The following RELN variants were observed in gnomAD, a reference collection of about 807,000 sequenced individuals.
RELN encodes the protein reelin.
A neutral mutation model predicts 427.6 loss-of-function variants in RELN; 108 were observed. The ratio of observed to expected loss-of-function variants is 0.25; its 90% confidence interval spans 0.22 to 0.30. The LOEUF is 0.30. Among genes scored for constraint, RELN ranks in the 10% least tolerant of loss-of-function variants. The pLI is 1.00. For missense variants in RELN, 3,715 were observed against 4,302.8 expected (o/e 0.86, Z 3.82); for synonymous variants, 1,524 against 1,513.4 (o/e 1.01, Z -0.16).
intron 56 of RELN, 95 bp downstream of exon 56, chr7:103,496,431 C>A (rs1329762140): frequency 7.8e-6 from 12 of 1,528,974 alleles, no homozygotes; most frequent in Non-Finnish European, 8.2e-6. Flanking sequence ...GGGCTAGGCA[C>A]TCTTATAAAT....
chr7:103,596,024 A>G (rs1180868282), intron 25 of RELN, among the ~76,000 whole-genome samples: 3 of 152,142 alleles, frequency 2.0e-5, no homozygotes, highest in Admixed American at 6.5e-5. Flanking sequence ...TTACTCATAC[A>G]CTGTTTAGGG....
chr7:103,714,633 G>A (rs1446427360), intron 8 of RELN, among the ~76,000 whole-genome samples: 1 of 152,192 alleles, frequency 6.6e-6, no homozygotes, highest in Admixed American at 6.5e-5. Context: ...TGCACATAGA[G>A]GCAGCTCATG....
Position 103,548,370 on chromosome 7 carries a change from T to C in RELN, c.6302+2697A>G, listed in dbSNP as rs186053505. Among the ~76,000 whole-genome samples the C allele has an allele frequency of 2.0e-5, 3 of 152,374 alleles. No individual in the cohort carries two copies. The East Asian group carries it at 5.8e-4, about 29-fold the overall frequency. On this transcript the variant is annotated intron_variant, in intron 41 of 64. Transcript: ENST00000428762. ...CTTTTAGCATCCAGCACTTGTGCCATTACTATGTACCATGTTGAATACCAA... is the reference window on the plus strand; with the variant it reads ...CTTTTAGCATCCAGCACTTGTGCCACTACTATGTACCATGTTGAATACCAA...
rs1422719733 is a variant in RELN, at chr7:103,944,937, C to T, written c.227-27752G>A. On this transcript the variant is annotated intron_variant, in intron 1 of 64. Transcript: ENST00000428762. ...CAAAGACTTTGAAGGAAGAGTCTGT[C>T]ATGCTTGCTCCCTGAGAAGTAAAAA... Among the ~76,000 whole-genome samples, 4 of 152,060 alleles carry T rather than the reference C, an allele frequency of 2.6e-5. No individual in the cohort carries two copies. The East Asian group carries it at 7.7e-4, about 29-fold the overall frequency.
chr7:103,635,114 C>T (rs1266861179), intron 19 of RELN, among the ~76,000 whole-genome samples: 2 of 152,144 alleles, frequency 1.3e-5, no homozygotes, highest in African/African-American at 4.8e-5. Flanking sequence ...CTGCCTCGGC[C>T]TCCCAAACTG....
chr7:103,676,297 C>T (rs1289943591), intron 11 of RELN, among the ~76,000 whole-genome samples: 52 of 152,252 alleles, frequency 3.4e-4, no homozygotes, highest in African/African-American at 1.2e-3. Context: ...AAATGCTCAT[C>T]ATCACTGGCC....
intron 1 of RELN, among the ~76,000 whole-genome samples, chr7:103,925,128 G>A (rs1795704167): frequency 6.6e-6 from 1 of 151,746 alleles, no homozygotes; most frequent in African/African-American, 2.4e-5. Context: ...TGGAGACATA[G>A]GTCAGAATAA....
intron 10 of RELN, 140 bp from the exon 11 acceptor site, chr7:103,682,401 T>A (rs1210646952): frequency 3.5e-6 from 3 of 862,896 alleles, no homozygotes; most frequent in Admixed American, 4.1e-5. Context: ...AAAGAGCTTG[T>A]TACCTCTTTT....
chr7:103,545,781 G>A (rs1321033058), intron 41 of RELN, among the ~76,000 whole-genome samples: 4 of 151,906 alleles, frequency 2.6e-5, no homozygotes, highest in African/African-American at 9.7e-5. Flanking sequence ...GGCTGGGCGT[G>A]CCCACCACCA....
At chr7:103,707,503 T>C (rs995052330) in intron 8 of RELN, among the ~76,000 whole-genome samples, 1 of 148,218 alleles carries the variant, frequency 6.7e-6, no homozygotes, top group African/African-American at 2.6e-5. Context: ...TTCTTTCTTT[T>C]CTTTTTTTTT....
At chr7:103,787,478 C>T (rs536389472) in intron 3 of RELN, among the ~76,000 whole-genome samples, 12 of 152,084 alleles carry the variant, frequency 7.9e-5, no homozygotes, top group African/African-American at 2.7e-4. Context: ...ATCAAATAGT[C>T]ACAATAAAAA....
At position 103,496,548 on chromosome 7, in the gene RELN, T is replaced by C. The variant is rs746201944; in HGVS notation, c.9171A>G (p.Gln3057=). The change falls in exon 56 of 65, where the codon CAA becomes CAG. Residue 3057 remains glutamine, a synonymous_variant. Transcript: ENST00000428762. ...LIGGAEINPS[Q]LVDTFDDEGT... ...TACCATCATCAAAAGTGTCCACCAATTGGCTGGGATTGATTTCTGCTCCAC... is the reference window on the plus strand; with the variant it reads ...TACCATCATCAAAAGTGTCCACCAACTGGCTGGGATTGATTTCTGCTCCAC... The C allele has an allele frequency of 3.1e-6, 5 of 1,614,000 alleles. No homozygotes were observed. In the African/African-American group the frequency reaches 6.7e-5, roughly 22 times the overall value.
At chr7:103,779,403 T>G (rs959163070) in intron 3 of RELN, among the ~76,000 whole-genome samples, 1 of 152,210 alleles carries the variant, frequency 6.6e-6, no homozygotes, top group Non-Finnish European at 1.5e-5. Context: ...ATATACTTAC[T>G]GTTATTCTAA....
intron 2 of RELN, among the ~76,000 whole-genome samples, chr7:103,840,403 T>C (rs985009913): frequency 2.0e-5 from 3 of 152,258 alleles, no homozygotes; most frequent in African/African-American, 7.2e-5. Context: ...CCCTCAGTTC[T>C]GTTACACACT....
At chr7:103,791,922 G>C (rs1478529487) in intron 3 of RELN, among the ~76,000 whole-genome samples, 3 of 151,960 alleles carry the variant, frequency 2.0e-5, no homozygotes, top group African/African-American at 7.3e-5. Flanking sequence ...CAAACAATTT[G>C]AACAGACATT....
intron 3 of RELN, among the ~76,000 whole-genome samples, chr7:103,814,532 T>A (rs753938675): frequency 2.0e-5 from 3 of 152,184 alleles, no homozygotes; most frequent in Non-Finnish European, 1.5e-5. Context: ...AAATGAAACA[T>A]CCTCATCTTC....
At chr7:103,940,904 T>C (rs1796099044) in intron 1 of RELN, among the ~76,000 whole-genome samples, 1 of 152,228 alleles carries the variant, frequency 6.6e-6, no homozygotes, top group African/African-American at 2.4e-5. Context: ...TTGCCTGCTT[T>C]CTAACATTTT....
chr7:103,492,491 G>A (rs190388513), intron 57 of RELN, among the ~76,000 whole-genome samples: 1,599 of 152,196 alleles, frequency 0.011, 9 homozygotes, highest in Non-Finnish European at 0.015. Context: ...ATCAATGAAA[G>A]CTTTCCATAT....
chr7:103,666,442 T>TA (rs1833269649), intron 11 of RELN, among the ~76,000 whole-genome samples: 2 of 152,114 alleles, frequency 1.3e-5, no homozygotes, highest in South Asian at 4.1e-4. Context: ...GACTTAGATT[T>TA]AAAAAATCTT....
Sources: allele counts gnomAD v4.1 joint callset (sites outside exome capture counted in the v4.1 genomes callset), GRCh38; gene constraint gnomAD v4.1.1; transcripts MANE v1.5; gene names NCBI Gene and HGNC (gene_info 2026-07-23, HGNC 2026-07-21).